The following LARGE1 variants were observed in gnomAD, a reference collection of about 807,000 sequenced individuals.
The protein encoded by LARGE1 is LARGE xylosyl- and glucuronyltransferase 1.
A neutral mutation model predicts 87.6 loss-of-function variants in LARGE1; 43 were observed. The observed-to-expected ratio is 0.49, with a 90% CI of 0.38 to 0.63. The LOEUF (loss-of-function observed/expected upper bound fraction) is 0.63, where lower values mean the gene tolerates loss of function less well. LARGE1 is among the 30% of genes least tolerant of loss of function. The pLI is 0.00. For missense variants in LARGE1, 802 were observed against 1,000.2 expected, an observed-to-expected ratio of 0.80 and a Z score of 2.67; for synonymous variants, 434 against 394.6, an observed-to-expected ratio of 1.10 and a Z score of -1.18.
intron 6 of LARGE1, among the ~76,000 whole-genome samples, chr22:33,493,440 T>G (rs910056266): frequency 1.3e-5 from 2 of 152,176 alleles, no homozygotes; most frequent in Non-Finnish European, 1.5e-5. Flanking sequence ...GGATTACAGG[T>G]GTGAGCCACC....
chr22:33,280,516 G>A (rs539354695), intron 13 of LARGE1, among the ~76,000 whole-genome samples: 37 of 152,198 alleles, frequency 2.4e-4, no homozygotes, highest in African/African-American at 8.4e-4. Context: ...GGGAGACGGC[G>A]CCATTGCACT....
chr22:33,411,049 C>T (rs1224411547), intron 7 of LARGE1, among the ~76,000 whole-genome samples: 1 of 152,180 alleles, frequency 6.6e-6, no homozygotes, highest in Non-Finnish European at 1.5e-5. Context: ...TCCTTCTTTC[C>T]CTTCTACTGC....
the LARGE1 span, among the ~76,000 whole-genome samples, chr22:33,145,679 C>T: frequency 6.6e-6 from 1 of 152,230 alleles, no homozygotes; most frequent in Admixed American, 6.5e-5. Context: ...CTGGAACTAA[C>T]AGCATGGGCC....
the LARGE1 span, among the ~76,000 whole-genome samples, chr22:33,071,861 G>C: frequency 6.6e-6 from 1 of 152,122 alleles, no homozygotes; most frequent in African/African-American, 2.4e-5. Flanking sequence ...TTGGCCTGCC[G>C]AGATCAAGGC....
At position 33,558,405 on chromosome 22, in the gene LARGE1, AGGAAAGG is replaced by A. The variant is rs1228673529; in HGVS notation, c.787+6436_787+6442del. ...AACTTAACCACAGGAGAGAGGAGGA[AGGAAAGG>A]GGAAAGAAACACGCAAGGTCCAAGT... On this transcript the variant is annotated intron_variant, in intron 6 of 14. Transcript: ENST00000397394. Among the ~76,000 whole-genome samples the A allele has an allele frequency of 3.9e-5, 6 of 152,318 alleles. No homozygotes were observed. In the South Asian group the frequency reaches 1.2e-3, roughly 32 times the overall value.
intron 7 of LARGE1, among the ~76,000 whole-genome samples, chr22:33,431,131 T>G (rs1049006848): frequency 1.3e-5 from 2 of 152,056 alleles, no homozygotes; most frequent in Non-Finnish European, 2.9e-5. Context: ...GCAGTGGCAA[T>G]GAGGATGGAG....
intron 11 of LARGE1, among the ~76,000 whole-genome samples, chr22:33,167,852 C>A (rs1006517420): frequency 2.3e-4 from 35 of 152,294 alleles, no homozygotes; most frequent in African/African-American, 8.4e-4. Flanking sequence ...TTTGTTCATT[C>A]TCTCCCCTAG....
chr22:33,408,665 T>C (rs2066189642), intron 7 of LARGE1, among the ~76,000 whole-genome samples: 1 of 151,940 alleles, frequency 6.6e-6, no homozygotes, highest in Admixed American at 6.6e-5. Context: ...GAATTTCATA[T>C]GATTTTCATG....
At chr22:33,648,834 G>GT (rs1259378577) in intron 3 of LARGE1, among the ~76,000 whole-genome samples, 1 of 152,202 alleles carries the variant, frequency 6.6e-6, no homozygotes, top group Non-Finnish European at 1.5e-5. Flanking sequence ...GATGACAGAT[G>GT]TAAGAACCAG....
At chr22:33,068,312 C>T in the LARGE1 span, among the ~76,000 whole-genome samples, 19 of 152,122 alleles carry the variant, frequency 1.2e-4, no homozygotes, top group African/African-American at 4.3e-4. Context: ...ATCTCCATTA[C>T]GCTGCTATAC....
At position 33,662,805 on chromosome 22, in the gene LARGE1, A is replaced by AATG. The variant is rs559609839; in HGVS notation, c.107-12140_107-12138dup. 2.0e-3 allele frequency among the ~76,000 whole-genome samples: 305 copies of AATG among 152,248 alleles called. 4 individuals carry two copies. The highest frequency in any genetic ancestry group is 7.2e-3 in the African/African-American group (299 of 41,542). On this transcript the variant is annotated intron_variant, in intron 2 of 14. Coordinates refer to ENST00000397394, the MANE Select transcript of LARGE1 (RefSeq NM_133642.5). ...CTTCAATGGCATCCCCCTGCTGTAA[A>AATG]ATGCCACTTCACCTAAATCAGTGTT... is the stretch of plus-strand genomic sequence containing the variant.
At chr22:33,270,905 T>C (rs1487433722), downstream of LARGE1, among the ~76,000 whole-genome samples, 1 of 152,182 alleles carries the variant, frequency 6.6e-6, no homozygotes, top group Admixed American at 6.5e-5. Context: ...TGAAGCAGCA[T>C]GCTAAGTCAG....
At chr22:33,695,943 T>G (rs1419661355) in intron 2 of LARGE1, among the ~76,000 whole-genome samples, 1 of 152,186 alleles carries the variant, frequency 6.6e-6, no homozygotes, top group East Asian at 1.9e-4. Flanking sequence ...TATAGATTGG[T>G]TCTTCCTGTC....
intron 9 of LARGE1, among the ~76,000 whole-genome samples, chr22:33,365,709 C>T (rs113045692): frequency 5.5e-4 from 83 of 151,978 alleles, no homozygotes; most frequent in East Asian, 4.3e-3. Context: ...CTCCACCTCC[C>T]GGGCTCAAGA....
In LARGE1 at chr22:33,273,371, C is replaced by T; in HGVS notation, c.*1056G>A. On this transcript the variant is annotated 3_prime_UTR_variant, in exon 15 of 15. Transcript: ENST00000397394. ...AGAACCAGAGGAACCCAATCACTTT[C>T]TTCCTGTAGGTCTCCAGATGGATAC... 2.5e-6 allele frequency: 1 copy of T among 398,948 alleles called. No homozygotes were observed. The highest frequency in any genetic ancestry group is 4.4e-6 in the Non-Finnish European group (1 of 226,082). The allele number at this position is 398,948 out of a possible 1,614,324, so 24.7% of individuals were successfully genotyped here. A position where few individuals can be genotyped will look rare whatever the true frequency, so the allele number is the denominator to read the frequency against.
At chr22:33,711,604 A>G (rs931359020) in intron 2 of LARGE1, among the ~76,000 whole-genome samples, 3 of 152,168 alleles carry the variant, frequency 2.0e-5, no homozygotes, top group Non-Finnish European at 4.4e-5. Context: ...AGACCAGACT[A>G]AAAGGAAAGA....
At chr22:33,852,807 G>T in intron 1 of LARGE1, among the ~76,000 whole-genome samples, 1 of 135,808 alleles carries the variant, frequency 7.4e-6, no homozygotes, top group East Asian at 2.6e-4. Flanking sequence ...AGTGAGTGGA[G>T]ATTGGGCCGC....
chr22:33,127,914 A>G, the LARGE1 span, among the ~76,000 whole-genome samples: 9 of 152,296 alleles, frequency 5.9e-5, no homozygotes, highest in Admixed American at 3.3e-4. Context: ...ACTGTAAGTT[A>G]ATGTTGTTCA....
chr22:33,089,373 TTCTTCTTCTTCTTCC>T, the LARGE1 span, among the ~76,000 whole-genome samples: 6 of 142,728 alleles, frequency 4.2e-5, no homozygotes. Context: ...CTTCTTCTCC[TTCTTCTTCTTCTTCC>T]TCTTCTTCTT....
Sources: gnomAD v4.1 joint callset for allele counts (sites outside exome capture counted in the v4.1 genomes callset) on GRCh38, gnomAD v4.1.1 for gene constraint, MANE v1.5 for transcripts, NCBI Gene and HGNC (gene_info 2026-07-23, HGNC 2026-07-21) for gene names.